The following AGPAT4 variants were observed in gnomAD, a reference collection of about 807,000 sequenced individuals.
AGPAT4 encodes the protein 1-acyl-sn-glycerol-3-phosphate acyltransferase delta.
AGPAT4 carries 15 observed loss-of-function variants against 48.0 expected under a neutral mutation model. The ratio of observed to expected loss-of-function variants is 0.31; its 90% CI spans 0.21 to 0.48. The LOEUF is 0.48. AGPAT4 is among the 20% of genes least tolerant of loss of function. The probability of loss-of-function intolerance (pLI) is 0.99; values close to 1 mark genes in which losing one functional copy is unlikely to be tolerated. For missense variants in AGPAT4, 314 were observed against 482.5 expected (o/e 0.65, Z 3.27); for synonymous variants, 178 against 198.7 (o/e 0.90, Z 0.88).
In AGPAT4 at chr6:161,219,908, CAGGCAGGCGGCA is replaced by C. The variant is rs771756007; in HGVS notation, c.178+12116_178+12127del. 5.3e-3 allele frequency among the ~76,000 whole-genome samples: 661 copies of C among 124,176 alleles called. 3 individuals carry two copies. Among genetic ancestry groups the C allele is most frequent in the Middle Eastern group, 0.019 (4 of 216 alleles). The allele number at this position is 124,176 out of a possible 152,430, so 81.5% of individuals were successfully genotyped here. A position where few individuals can be genotyped will look rare whatever the true frequency, so the allele number is the denominator to read the frequency against. On this transcript the variant is annotated intron_variant, in intron 2 of 8. Coordinates refer to ENST00000320285, the MANE Select transcript of AGPAT4 (RefSeq NM_020133.3). The surrounding 1 kb of genome is among the most constrained non-coding windows in gnomAD (Gnocchi z 4.9). ...GCAGGCAGGCAGGCAGGCAGGCAGG[CAGGCAGGCGGCA>C]GGCAGGCAGGCAGGCAGGCAGGCAG... is the stretch of plus-strand genomic sequence containing the variant.
rs1021308556 is a variant in AGPAT4 at position 161,143,431 on chromosome 6, T to C, written c.843+3093A>G. 1.3e-5 allele frequency among the ~76,000 whole-genome samples: 2 copies of C among 152,212 alleles called. No individual in the cohort carries two copies. Among genetic ancestry groups the C allele is most frequent in the African/African-American group, 4.8e-5 (2 of 41,446 alleles). Reference sequence around the variant, plus strand: ...CTATTAATGGCCAAGTTATAGTCCCTTCTGCAAATGTCAAATTACAACCTG... The same window carrying C: ...CTATTAATGGCCAAGTTATAGTCCCCTCTGCAAATGTCAAATTACAACCTG... On this transcript the variant is annotated intron_variant, in intron 7 of 8. Transcript: ENST00000320285. The surrounding 1 kb of genome is among the most constrained non-coding windows in gnomAD (Gnocchi z 4.7).
In AGPAT4 at chr6:161,272,016, T is replaced by C. The variant is rs1332041057; in HGVS notation, c.-90+1922A>G. ...TTCAAAATGAGTGTCATATTCTTTT[T>C]AGTAATACTTTTCTGTGTGTTATGC... On this transcript the variant is annotated intron_variant, in intron 1 of 8. Transcript: ENST00000320285. This position sits in a 1 kb window ranked among gnomAD's most constrained non-coding sequence, Gnocchi z 4.2. 6.6e-6 allele frequency among the ~76,000 whole-genome samples: 1 copy of C among 152,260 alleles called. No individual in the cohort carries two copies. Among genetic ancestry groups the C allele is most frequent in the Non-Finnish European group, 1.5e-5 (1 of 68,042 alleles).
chr6:161,240,749 C>A lies in AGPAT4; in HGVS notation c.-89-8447G>T, dbSNP rs938197817. The stretch of plus-strand genomic sequence containing the variant: ...TCAGATTGCCAGCACTCCTTCAGGT[C>A]GGATGAATGTGGCCAAAGTCTCCAC... On this transcript the variant is annotated intron_variant, in intron 1 of 8. Transcript: ENST00000320285. This position sits in a 1 kb window ranked among gnomAD's most constrained non-coding sequence, Gnocchi z 5.5. Among the ~76,000 whole-genome samples the A allele has an allele frequency of 6.6e-6, 1 of 152,096 alleles. No homozygotes were observed.
rs1031186246 is a variant in AGPAT4, at chr6:161,255,001, G to A, written c.-90+18937C>T. Among the ~76,000 whole-genome samples the A allele has an allele frequency of 7.9e-5, 12 of 152,104 alleles. No homozygotes were observed. Among genetic ancestry groups the A allele is most frequent in the African/African-American group, 2.4e-4 (10 of 41,396 alleles). On this transcript the variant is annotated intron_variant, in intron 1 of 8. Transcript: ENST00000320285. The surrounding 1 kb of genome is among the most constrained non-coding windows in gnomAD (Gnocchi z 4.7). Reference sequence around the variant, plus strand: ...ACACACCCGGCAAGCTGTTCTTATCGTTCCGAGGCCATTGCAGAGCCAGAT... The same window carrying A: ...ACACACCCGGCAAGCTGTTCTTATCATTCCGAGGCCATTGCAGAGCCAGAT...
rs1348864645 is a variant in AGPAT4, at chr6:161,270,171, C to T, written c.-90+3767G>A. Among the ~76,000 whole-genome samples, 3 of 152,206 alleles carry T rather than the reference C, an allele frequency of 2.0e-5. No homozygotes were observed. Among genetic ancestry groups the T allele is most frequent in the African/African-American group, 7.2e-5 (3 of 41,442 alleles). On this transcript the variant is annotated intron_variant, in intron 1 of 8. Coordinates refer to ENST00000320285, the MANE Select transcript of AGPAT4 (RefSeq NM_020133.3). The surrounding 1 kb of genome is among the most constrained non-coding windows in gnomAD (Gnocchi z 5.3). Reference sequence around the variant, plus strand: ...TTTAAACTGTATCTTGTTTTGCTCACAGTTGCATCTGTGGGACCTGACACC... The same window carrying T: ...TTTAAACTGTATCTTGTTTTGCTCATAGTTGCATCTGTGGGACCTGACACC...
chr6:161,182,867 G>T (rs930323485), intron 2 of AGPAT4, among the ~76,000 whole-genome samples: 11 of 152,204 alleles, frequency 7.2e-5, no homozygotes, highest in Admixed American at 7.2e-4. Context: ...ACGCGGAGTG[G>T]ACAACCTCAG....
chr6:161,237,147 G>A (rs1330845883), intron 1 of AGPAT4, among the ~76,000 whole-genome samples: 2 of 152,164 alleles, frequency 1.3e-5, no homozygotes, highest in South Asian at 2.1e-4. Flanking sequence ...CTGCACCAGC[G>A]TTTAAAACAT....
intron 1 of AGPAT4, among the ~76,000 whole-genome samples, chr6:161,265,387 G>A (rs112655722): frequency 0.024 from 3,439 of 141,942 alleles, 222 homozygotes; most frequent in African/African-American, 0.09. Flanking sequence ...AGTACCCACC[G>A]CTGGACTGGG....
Position 161,166,148 on chromosome 6 carries a change from G to C in AGPAT4, c.348+100C>G. The C allele has an allele frequency of 6.9e-7, 1 of 1,459,506 alleles. No homozygotes were observed. The highest frequency in any genetic ancestry group is 1.4e-5 in the African/African-American group (1 of 71,116). 90.4% of individuals were successfully genotyped at this position (1,459,506 alleles called of 1,614,324 possible). ...CATTTCATCAAGTAGAAACTCTGTT[G>C]ATTCTTCTGCAAGTTCTGAATGACC... On this transcript the variant is annotated intron_variant, in intron 3 of 8. Transcript: ENST00000320285. This position sits in a 1 kb window ranked among gnomAD's most constrained non-coding sequence, Gnocchi z 6.7.
At chr6:161,227,160 C>T (rs562442990) in intron 2 of AGPAT4, among the ~76,000 whole-genome samples, 39 of 152,288 alleles carry the variant, frequency 2.6e-4, no homozygotes, top group African/African-American at 8.7e-4. Flanking sequence ...CACAGGAAAG[C>T]CCACAAAATC....
At position 161,148,305 on chromosome 6, in the gene AGPAT4, T is replaced by C. The variant is rs1015504508; in HGVS notation, c.767+882A>G. On this transcript the variant is annotated intron_variant, in intron 6 of 8. Coordinates refer to ENST00000320285, the MANE Select transcript of AGPAT4 (RefSeq NM_020133.3). This position sits in a 1 kb window ranked among gnomAD's most constrained non-coding sequence, Gnocchi z 5.5. ...TGATGATGACGATGCTGTCCTATTT[T>C]CATGGGAAAGCCAGAGTCATTTTTA... Among the ~76,000 whole-genome samples the C allele has an allele frequency of 6.6e-6, 1 of 152,186 alleles. No individual in the cohort carries two copies. Among genetic ancestry groups the C allele is most frequent in the Non-Finnish European group, 1.5e-5 (1 of 68,040 alleles).
chr6:161,207,701 T>G (rs1056497102), intron 2 of AGPAT4, among the ~76,000 whole-genome samples: 1 of 152,030 alleles, frequency 6.6e-6, no homozygotes, highest in Admixed American at 6.5e-5. Flanking sequence ...CCTTTGATAA[T>G]AGAAGGAAAG....
intron 2 of AGPAT4, among the ~76,000 whole-genome samples, chr6:161,194,544 ATGTGTATG>A (rs1226531091): frequency 6.8e-6 from 1 of 147,390 alleles, no homozygotes; most frequent in African/African-American, 2.6e-5. Flanking sequence ...CTATGTGTGT[ATGTGTATG>A]TGTGCATGTG....
chr6:161,175,991 G>A (rs2114988277), intron 2 of AGPAT4, among the ~76,000 whole-genome samples: 1 of 152,276 alleles, frequency 6.6e-6, no homozygotes, highest in Non-Finnish European at 1.5e-5. Flanking sequence ...ATTGCACTGT[G>A]GTCTGAGAGA....
At chr6:161,182,723 C>T (rs551805366) in intron 2 of AGPAT4, among the ~76,000 whole-genome samples, 9 of 152,346 alleles carry the variant, frequency 5.9e-5, no homozygotes, top group African/African-American at 1.4e-4. Flanking sequence ...GGGCAGCCAG[C>T]GGCTGGTACA....
intron 2 of AGPAT4, among the ~76,000 whole-genome samples, chr6:161,183,673 G>A (rs150436942): frequency 1.0e-4 from 8 of 76,756 alleles, no homozygotes; most frequent in African/African-American, 3.0e-4. Flanking sequence ...AGAGGGGAGG[G>A]GAGGAGAGGG....
chr6:161,157,846 C>A (rs1032973835), intron 3 of AGPAT4, among the ~76,000 whole-genome samples: 2 of 152,196 alleles, frequency 1.3e-5, no homozygotes, highest in Non-Finnish European at 2.9e-5. Context: ...TCTAACCAGG[C>A]TCTACCACGA....
At position 161,235,045 on chromosome 6, in the gene AGPAT4, T is replaced by C. The variant is rs1355472592; in HGVS notation, c.-89-2743A>G. ...ACAAGGCTTGGTTTGTTTTGGGTCT[T>C]GAGTTTCAGCTCCACTTCTGTCCTC... On this transcript the variant is annotated intron_variant, in intron 1 of 8. Transcript: ENST00000320285. This position sits in a 1 kb window ranked among gnomAD's most constrained non-coding sequence, Gnocchi z 6.2. Among the ~76,000 whole-genome samples, 3 of 151,912 alleles carry C rather than the reference T, an allele frequency of 2.0e-5. No homozygotes were observed. In the East Asian group the frequency reaches 5.8e-4, roughly 29 times the overall value.
rs778238009 is a variant in AGPAT4, at chr6:161,140,577, C to A, written c.844-957G>T. ...TCCCGCTCAGGGACTGGGGCTCAGC[C>A]GCAAGGAGCTGCTGAACACAAGGGA... On this transcript the variant is annotated intron_variant, in intron 7 of 8. Coordinates refer to ENST00000320285, the MANE Select transcript of AGPAT4 (RefSeq NM_020133.3). This position sits in a 1 kb window ranked among gnomAD's most constrained non-coding sequence, Gnocchi z 6.5. 1.8e-4 allele frequency among the ~76,000 whole-genome samples: 27 copies of A among 152,214 alleles called. No homozygotes were observed. Among genetic ancestry groups the A allele is most frequent in the Non-Finnish European group, 8.8e-5 (6 of 68,022 alleles).
Sources: allele counts gnomAD v4.1 joint callset (sites outside exome capture counted in the v4.1 genomes callset), GRCh38; gene constraint gnomAD v4.1.1; non-coding constraint Gnocchi (gnomAD v3.1); transcripts MANE v1.5; gene names NCBI Gene and HGNC (gene_info 2026-07-23, HGNC 2026-07-21).